Variants in CEP128 observed in about 807,000 individuals in gnomAD.
The protein encoded by CEP128 is centrosomal protein 128, also known as centrosomal protein 128kDa.
In CEP128, 132 loss-of-function variants were observed where a neutral mutation model predicts 156.7. That is an observed-to-expected ratio of 0.84 (90% CI 0.73 to 0.97). The LOEUF is 0.97. CEP128 is among the 50% of genes least tolerant of loss of function. The pLI is 0.00. For synonymous variants in CEP128, 469 were observed against 448.9 expected, an observed-to-expected ratio of 1.04 and a Z score of -0.57; for missense variants, 1,252 against 1,281.9, an observed-to-expected ratio of 0.98 and a Z score of 0.36.
At chr14:80,823,992 G>A (rs1472241353) in intron 13 of CEP128, among the ~76,000 whole-genome samples, 1 of 152,234 alleles carries the variant, frequency 6.6e-6, no homozygotes, top group African/African-American at 2.4e-5. Flanking sequence ...CCAGGCATTT[G>A]CATACATCCT....
At chr14:80,659,953 G>A (rs1162193135) in intron 19 of CEP128, among the ~76,000 whole-genome samples, 4 of 152,074 alleles carry the variant, frequency 2.6e-5, no homozygotes, top group Non-Finnish European at 4.4e-5. Context: ...AGACTTTCCT[G>A]GAATCCAAGT....
intron 19 of CEP128, among the ~76,000 whole-genome samples, chr14:80,741,821 G>C (rs1898846196): frequency 6.6e-6 from 1 of 151,750 alleles, no homozygotes; most frequent in Non-Finnish European, 1.5e-5. Flanking sequence ...TTAATCAGTA[G>C]TTTCGCTGCC....
intron 19 of CEP128, among the ~76,000 whole-genome samples, chr14:80,669,355 A>C (rs1225573459): frequency 6.6e-6 from 1 of 152,180 alleles, no homozygotes; most frequent in South Asian, 2.1e-4. Flanking sequence ...GCATAAGAAA[A>C]ATCAAAATAG....
intron 19 of CEP128, among the ~76,000 whole-genome samples, chr14:80,639,421 G>T (rs533138184): frequency 1.3e-5 from 2 of 152,152 alleles, no homozygotes; most frequent in African/African-American, 2.4e-5. Context: ...CAAATGAGGG[G>T]TGTGGAAGAA....
intron 12 of CEP128, among the ~76,000 whole-genome samples, chr14:80,832,663 C>T (rs1885868655): frequency 6.6e-6 from 1 of 152,094 alleles, no homozygotes; most frequent in Non-Finnish European, 1.5e-5. Context: ...AGAATGAATA[C>T]AAAATTTCAC....
chr14:80,789,756 C>G (rs571431096), intron 14 of CEP128, among the ~76,000 whole-genome samples: 1 of 150,072 alleles, frequency 6.7e-6, no homozygotes, highest in Non-Finnish European at 1.5e-5. Context: ...ATGGCAATTA[C>G]AGAAACAGAA....
At chr14:80,560,954 G>A in intron 20 of CEP128, among the ~76,000 whole-genome samples, 1 of 152,102 alleles carries the variant, frequency 6.6e-6, no homozygotes, top group African/African-American at 2.4e-5. Flanking sequence ...AATACAAGAA[G>A]TAAAGAGAGA....
chr14:80,600,510 C>T (rs1372427777), intron 19 of CEP128, among the ~76,000 whole-genome samples: 1 of 152,106 alleles, frequency 6.6e-6, no homozygotes, highest in Non-Finnish European at 1.5e-5. Context: ...CAGTGAAGAA[C>T]TTTACATGCA....
chr14:80,763,824 T>C (rs1040089428), intron 16 of CEP128, among the ~76,000 whole-genome samples: 7 of 152,158 alleles, frequency 4.6e-5, no homozygotes, highest in African/African-American at 1.7e-4. Context: ...TCAATTACCA[T>C]GCAGAGCTTA....
chr14:80,508,294 CA>C (rs1323787098), intron 23 of CEP128, among the ~76,000 whole-genome samples: 5 of 152,094 alleles, frequency 3.3e-5, no homozygotes, highest in Non-Finnish European at 5.9e-5. Context: ...TTCATTCTAG[CA>C]AATTTAAAAA....
intron 19 of CEP128, among the ~76,000 whole-genome samples, chr14:80,654,321 C>G (rs1895039096): frequency 6.6e-6 from 1 of 151,970 alleles, no homozygotes; most frequent in Non-Finnish European, 1.5e-5. Context: ...CTCTGAAGAC[C>G]AAGATAGGAA....
chr14:80,720,703 A>C (rs897459584), intron 19 of CEP128, among the ~76,000 whole-genome samples: 8 of 152,214 alleles, frequency 5.3e-5, no homozygotes, highest in Non-Finnish European at 7.3e-5. Context: ...AGCAGGTGCT[A>C]AGTTTTGAAA....
At chr14:80,706,171 A>C (rs950393715) in intron 19 of CEP128, among the ~76,000 whole-genome samples, 2 of 143,518 alleles carry the variant, frequency 1.4e-5, no homozygotes, top group Non-Finnish European at 3.0e-5. Context: ...ACTATAAGAC[A>C]AAAAAAAACA....
At chr14:80,608,129 G>T (rs1016838865) in intron 19 of CEP128, among the ~76,000 whole-genome samples, 12 of 152,150 alleles carry the variant, frequency 7.9e-5, no homozygotes, top group Non-Finnish European at 1.5e-4. Context: ...GATCTAAAAC[G>T]ATGTAAAGTC....
intron 2 of CEP128, among the ~76,000 whole-genome samples, chr14:80,927,624 G>A (rs545401316): frequency 1.3e-3 from 205 of 152,278 alleles, no homozygotes; most frequent in African/African-American, 4.8e-3. Flanking sequence ...CTTTCCCAGT[G>A]GCCCAGAAGG....
chr14:80,563,524 C>CTTTTTTTTTTTTTTTTTTTTTTTTT (rs540593415), intron 20 of CEP128, among the ~76,000 whole-genome samples: 2 of 78,872 alleles, frequency 2.5e-5, no homozygotes, highest in African/African-American at 1.2e-4. Flanking sequence ...GCCTCCAAAT[C>CTTTTTTTTTTTTTTTTTTTTTTTTT]TTTTTTTTTT....
At chr14:80,730,178 G>A (rs1427252284) in intron 19 of CEP128, among the ~76,000 whole-genome samples, 1 of 152,052 alleles carries the variant, frequency 6.6e-6, no homozygotes, top group Non-Finnish European at 1.5e-5. Context: ...ATAATCATTG[G>A]CATTTCATTG....
At chr14:80,938,463 G>A (rs1885956999) in intron 2 of CEP128, among the ~76,000 whole-genome samples, 1 of 151,808 alleles carries the variant, frequency 6.6e-6, no homozygotes, top group African/African-American at 2.4e-5. Flanking sequence ...TAGCCAGGAT[G>A]GTCTCGATCT....
chr14:80,621,023 G>A (rs1893456847), intron 19 of CEP128, among the ~76,000 whole-genome samples: 1 of 152,124 alleles, frequency 6.6e-6, no homozygotes, highest in Non-Finnish European at 1.5e-5. Flanking sequence ...TCTAAAGCCT[G>A]AGGGAAAGGA....
Sources: allele counts gnomAD v4.1 joint callset (sites outside exome capture counted in the v4.1 genomes callset), GRCh38; gene constraint gnomAD v4.1.1; transcripts MANE v1.5; gene names NCBI Gene and HGNC (gene_info 2026-07-23, HGNC 2026-07-21).